The following ANKS1B variants were observed in gnomAD, a reference collection of about 807,000 sequenced individuals.
The protein encoded by ANKS1B is ankyrin repeat and sterile alpha motif domain-containing protein 1B.
A neutral mutation model predicts 148.3 loss-of-function variants in ANKS1B; 36 were observed. That is an observed-to-expected ratio of 0.24 (90% CI 0.19 to 0.32). The LOEUF is 0.32. Among genes scored for constraint, ANKS1B ranks in the 10% least tolerant of loss-of-function variants. ANKS1B has a pLI of 1.00. For synonymous variants in ANKS1B, 542 were observed against 560.8 expected (o/e 0.97, Z 0.47); for missense variants, 1,157 against 1,542.6 (o/e 0.75, Z 4.19).
intron 19 of ANKS1B, among the ~76,000 whole-genome samples, chr12:98,823,035 T>C (rs147742796): frequency 7.7e-4 from 118 of 152,292 alleles, no homozygotes; most frequent in African/African-American, 2.6e-3. Context: ...TAACTGACCA[T>C]ATTAATAAAA....
At chr12:99,825,429 A>C in intron 1 of ANKS1B, 40 bp from the exon 2 acceptor site, 1 of 1,532,644 alleles carries the variant, frequency 6.5e-7, no homozygotes, top group Non-Finnish European at 8.9e-7. Flanking sequence ...CAGTGAAGCC[A>C]GATCTTGCCT....
intron 15 of ANKS1B, among the ~76,000 whole-genome samples, chr12:99,116,715 G>GT (rs1209598130): frequency 2.0e-5 from 3 of 151,990 alleles, no homozygotes; most frequent in Admixed American, 6.6e-5. Context: ...ATTTAAAGTA[G>GT]TTTTTTTCTA....
intron 11 of ANKS1B, among the ~76,000 whole-genome samples, chr12:99,411,867 A>G (rs1335362057): frequency 6.6e-6 from 1 of 152,140 alleles, no homozygotes; most frequent in Non-Finnish European, 1.5e-5. Context: ...CCTGTTTTAT[A>G]TACTGGGAGT....
intron 1 of ANKS1B, among the ~76,000 whole-genome samples, chr12:99,869,099 G>T (rs1169178336): frequency 6.6e-6 from 1 of 151,884 alleles, no homozygotes; most frequent in Non-Finnish European, 1.5e-5. Flanking sequence ...TAAATGGAGA[G>T]ATATATCATG....
intron 9 of ANKS1B, among the ~76,000 whole-genome samples, chr12:99,614,018 A>AT (rs572685860): frequency 6.7e-5 from 10 of 150,234 alleles, no homozygotes; most frequent in African/African-American, 1.5e-4. Flanking sequence ...TTGATTCCTA[A>AT]TTTTTTTTTT....
intron 25 of ANKS1B, among the ~76,000 whole-genome samples, chr12:98,762,117 C>G (rs2098415942): frequency 6.6e-6 from 1 of 152,168 alleles, no homozygotes; most frequent in Admixed American, 6.5e-5. Context: ...GGCAGAAAAG[C>G]TTGGGTGTCA....
chr12:99,369,443 A>T (rs962369483), intron 12 of ANKS1B, among the ~76,000 whole-genome samples: 6 of 152,204 alleles, frequency 3.9e-5, no homozygotes. Context: ...AACTTGAGTG[A>T]TGTAACAATC....
intron 20 of ANKS1B, among the ~76,000 whole-genome samples, chr12:98,803,856 A>G (rs1035350824): frequency 1.3e-5 from 2 of 152,254 alleles, no homozygotes; most frequent in African/African-American, 4.8e-5. Flanking sequence ...TGTGAGTTCC[A>G]TACATTTAAA....
At chr12:98,988,266 C>A (rs547733001) in intron 17 of ANKS1B, among the ~76,000 whole-genome samples, 5 of 152,244 alleles carry the variant, frequency 3.3e-5, no homozygotes, top group African/African-American at 4.8e-5. Flanking sequence ...TCCCTCCTTG[C>A]AATCACCTTA....
chr12:99,312,846 C>T (rs1209125817), intron 12 of ANKS1B, among the ~76,000 whole-genome samples: 1 of 152,032 alleles, frequency 6.6e-6, no homozygotes, highest in Non-Finnish European at 1.5e-5. Flanking sequence ...GATACCCTAA[C>T]ATCACAATTA....
At chr12:99,239,921 T>C (rs1314164248) in intron 14 of ANKS1B, among the ~76,000 whole-genome samples, 3 of 152,052 alleles carry the variant, frequency 2.0e-5, no homozygotes, top group Non-Finnish European at 2.9e-5. Context: ...AAGAAAGCAC[T>C]AAACATGGAA....
At chr12:98,750,523 G>C (rs528753412) in intron 26 of ANKS1B, among the ~76,000 whole-genome samples, 1 of 152,178 alleles carries the variant, frequency 6.6e-6, no homozygotes, top group African/African-American at 2.4e-5. Flanking sequence ...CAGTGGAGGT[G>C]GGGGCTGGTG....
chr12:99,728,951 G>A lies in ANKS1B; in HGVS notation c.1128+43971C>T, dbSNP rs538278901. On this transcript the variant is annotated intron_variant, in intron 8 of 26. Transcript: ENST00000683438. ...GCTAAACAATGAGAACACATTTAGC[G>A]GACAACAGCATAGTGTAAATACAAC... Among the ~76,000 whole-genome samples the A allele has an allele frequency of 4.9e-4, 74 of 152,080 alleles. 1 individual carries two copies. Among genetic ancestry groups the A allele is most frequent in the Non-Finnish European group, 9.1e-4 (62 of 67,944 alleles).
intron 1 of ANKS1B, among the ~76,000 whole-genome samples, chr12:99,900,772 G>T (rs1192502339): frequency 6.6e-6 from 1 of 152,096 alleles, no homozygotes; most frequent in East Asian, 1.9e-4. Flanking sequence ...TGACTCGTGA[G>T]TCCTATATAC....
At chr12:99,755,287 A>G (rs2061460817) in intron 8 of ANKS1B, among the ~76,000 whole-genome samples, 1 of 152,042 alleles carries the variant, frequency 6.6e-6, no homozygotes, top group Admixed American at 6.6e-5. Context: ...ATACCCTCCC[A>G]AGACTGAACC....
chr12:99,326,050 C>T (rs1339187102), intron 12 of ANKS1B, among the ~76,000 whole-genome samples: 2 of 151,988 alleles, frequency 1.3e-5, no homozygotes, highest in African/African-American at 4.8e-5. Flanking sequence ...CATTATTAAA[C>T]CATCAAATCT....
At chr12:99,790,935 A>T (rs1260454734) in intron 4 of ANKS1B, among the ~76,000 whole-genome samples, 2 of 152,082 alleles carry the variant, frequency 1.3e-5, no homozygotes, top group Non-Finnish European at 2.9e-5. Flanking sequence ...ATCAACAATA[A>T]CATTAAATGT....
chr12:99,750,297 T>G lies in ANKS1B; in HGVS notation c.1128+22625A>C, dbSNP rs2060987510. On this transcript the variant is annotated intron_variant, in intron 8 of 26. Transcript: ENST00000683438. ...CAAATGCTTAGAGGTCACTATAATA[T>G]TCCTAGGAAAAAAGTAAAACTTGAA... 3.3e-5 allele frequency among the ~76,000 whole-genome samples: 5 copies of G among 152,058 alleles called. 1 individual carries two copies. The highest frequency in any genetic ancestry group is 3.3e-4 in the Admixed American group (5 of 15,216).
chr12:98,925,326 C>T (rs905023738), intron 17 of ANKS1B, among the ~76,000 whole-genome samples: 8 of 152,078 alleles, frequency 5.3e-5, no homozygotes, highest in Non-Finnish European at 1.0e-4. Flanking sequence ...ATCTATACTC[C>T]GGCTACACAA....
Sources: gnomAD v4.1 joint callset for allele counts (sites outside exome capture counted in the v4.1 genomes callset) on GRCh38, gnomAD v4.1.1 for gene constraint, MANE v1.5 for transcripts, NCBI Gene and HGNC (gene_info 2026-07-23, HGNC 2026-07-21) for gene names.